Variants in TMEM135 observed in about 807,000 individuals in gnomAD.
The protein encoded by TMEM135 is transmembrane protein 135.
In TMEM135, 30 loss-of-function variants were observed where a neutral mutation model predicts 60.3. That is an observed-to-expected ratio of 0.50 (90% CI 0.37 to 0.68). The LOEUF is 0.68. Ranked by LOEUF, TMEM135 falls within the 30% of genes least tolerant of loss-of-function variation. TMEM135 has a pLI of 0.00. For synonymous variants in TMEM135, 190 were observed against 186.7 expected (o/e 1.02, Z -0.14); for missense variants, 468 against 548.8 (o/e 0.85, Z 1.47).
At position 87,319,357 on chromosome 11, in the gene TMEM135, T is replaced by G; in HGVS notation, c.1224T>G (p.Leu408=). 6.2e-7 allele frequency: 1 copy of G among 1,613,326 alleles called. No homozygotes were observed. Among genetic ancestry groups the G allele is most frequent in the Non-Finnish European group, 8.5e-7 (1 of 1,179,436 alleles). The part of the protein sequence containing the change: ...QTLRPSYWKF[L]LRLTKGKFAV... ...TGAGACCATCTTACTGGAAGTTCCT[T>G]TTAAGACTCACCAAGGGCAAGTAAG... Residue 408 remains leucine, a synonymous_variant, in exon 14 of 15, where the codon CTT becomes CTG. Transcript: ENST00000305494.
intron 7 of TMEM135, among the ~76,000 whole-genome samples, chr11:87,301,893 A>G (rs1942456204): frequency 6.6e-6 from 1 of 152,214 alleles, no homozygotes; most frequent in African/African-American, 2.4e-5. Flanking sequence ...TAATGAAATA[A>G]TATGAGGACT....
At chr11:87,295,186 A>G (rs899174766) in intron 6 of TMEM135, among the ~76,000 whole-genome samples, 2 of 152,164 alleles carry the variant, frequency 1.3e-5, no homozygotes, top group African/African-American at 4.8e-5. Context: ...TATAGTGAGC[A>G]CTCAATAAAT....
rs763212745 is a variant in TMEM135 at position 87,323,270 on chromosome 11, A to C, written c.*1937A>C. ...TTTTTAAATTTTATGTAAAATGTAA[A>C]ATGAAATAGCTATCATGAAGCAGAA... On this transcript the variant is annotated 3_prime_UTR_variant, in exon 15 of 15. Transcript: ENST00000305494. 1 of 453,742 alleles carries C rather than the reference A, an allele frequency of 2.2e-6. No individual in the cohort carries two copies. Among genetic ancestry groups the C allele is most frequent in the South Asian group, 1.6e-5 (1 of 64,332 alleles). The allele number at this position is 453,742 out of a possible 1,614,324, so 28.1% of individuals were successfully genotyped here. A position where few individuals can be genotyped will look rare whatever the true frequency, so the allele number is the denominator to read the frequency against.
At chr11:87,291,912 CG>C (rs1565159372) in intron 6 of TMEM135, among the ~76,000 whole-genome samples, 2 of 152,136 alleles carry the variant, frequency 1.3e-5, no homozygotes, top group African/African-American at 4.8e-5. Flanking sequence ...AAAGTTCTTA[CG>C]TTGCCTAAAG....
intron 4 of TMEM135, among the ~76,000 whole-genome samples, chr11:87,100,037 T>C (rs1020467686): frequency 1.3e-5 from 2 of 152,090 alleles, no homozygotes; most frequent in African/African-American, 4.8e-5. Context: ...TTGTTAGGGT[T>C]CCCAACGTAG....
At chr11:87,057,631 G>A (rs558271118) in intron 1 of TMEM135, among the ~76,000 whole-genome samples, 7 of 152,280 alleles carry the variant, frequency 4.6e-5, no homozygotes, top group Admixed American at 1.3e-4. Context: ...TTTAAAAACT[G>A]TAAGAAGATA....
chr11:87,328,369 T>C lies in TMEM135; in HGVS notation c.*7036T>C, dbSNP rs1462373718. 6.6e-6 allele frequency: 3 copies of C among 453,892 alleles called. No homozygotes were observed. Among genetic ancestry groups the C allele is most frequent in the Non-Finnish European group, 1.3e-5 (3 of 226,768 alleles). 28.1% of individuals were successfully genotyped at this position (453,892 alleles called of 1,614,324 possible). A position where few individuals can be genotyped will look rare whatever the true frequency, so the allele number is the denominator to read the frequency against. On this transcript the variant is annotated 3_prime_UTR_variant, in exon 15 of 15. Transcript: ENST00000305494. The stretch of plus-strand genomic sequence containing the variant: ...ATTAAGGAATGAATTTGCTTATTTT[T>C]ATTTCAGTAGCTTTTGGGGTACAAG...
intron 4 of TMEM135, among the ~76,000 whole-genome samples, chr11:87,137,428 A>C (rs1380803608): frequency 6.6e-6 from 1 of 152,182 alleles, no homozygotes; most frequent in Non-Finnish European, 1.5e-5. Context: ...ATACTCATCC[A>C]ACAATTATTT....
At chr11:87,158,685 C>T (rs1282022926) in intron 5 of TMEM135, among the ~76,000 whole-genome samples, 3 of 151,986 alleles carry the variant, frequency 2.0e-5, no homozygotes, top group South Asian at 2.1e-4. Flanking sequence ...AGGATGGTCT[C>T]GATCTCCTGA....
intron 3 of TMEM135, among the ~76,000 whole-genome samples, chr11:87,079,086 A>G (rs1407874047): frequency 6.6e-6 from 1 of 151,908 alleles, no homozygotes; most frequent in Non-Finnish European, 1.5e-5. Flanking sequence ...GCTCACTGCA[A>G]CCTCCACCTG....
intron 5 of TMEM135, among the ~76,000 whole-genome samples, chr11:87,231,480 A>C (rs539675541): frequency 3.3e-5 from 5 of 152,322 alleles, no homozygotes; most frequent in East Asian, 1.9e-4. Context: ...AATATCTTAA[A>C]AGCAAGTCTT....
At chr11:87,237,003 A>G (rs1263315595) in intron 6 of TMEM135, among the ~76,000 whole-genome samples, 1 of 151,958 alleles carries the variant, frequency 6.6e-6, no homozygotes, top group Non-Finnish European at 1.5e-5. Context: ...ATTGTATGTA[A>G]ATACCTAAGT....
intron 4 of TMEM135, among the ~76,000 whole-genome samples, chr11:87,124,978 C>T (rs1247076562): frequency 6.6e-6 from 1 of 152,172 alleles, no homozygotes; most frequent in Non-Finnish European, 1.5e-5. Context: ...ACTTCTCTTA[C>T]TTCACAAATA....
chr11:87,280,786 C>G (rs566881265), intron 6 of TMEM135, among the ~76,000 whole-genome samples: 150 of 152,308 alleles, frequency 9.8e-4, no homozygotes, highest in Non-Finnish European at 1.4e-3. Flanking sequence ...TTTATAAATA[C>G]TTATGAAATA....
intron 4 of TMEM135, among the ~76,000 whole-genome samples, chr11:87,129,755 G>A (rs1194974559): frequency 2.0e-5 from 3 of 151,946 alleles, no homozygotes; most frequent in African/African-American, 7.3e-5. Context: ...TAGCCATGCC[G>A]GTCTCAAACT....
chr11:87,111,650 C>CAAAAAAAA (rs746609752), intron 4 of TMEM135, among the ~76,000 whole-genome samples: 3 of 73,922 alleles, frequency 4.1e-5, no homozygotes, highest in Admixed American at 1.7e-4. Context: ...GACTCCGTCT[C>CAAAAAAAA]AAAAAAAAAA....
chr11:87,075,799 TTGG>T (rs1420642068), intron 3 of TMEM135, among the ~76,000 whole-genome samples: 1 of 152,220 alleles, frequency 6.6e-6, no homozygotes, highest in East Asian at 1.9e-4. Context: ...ACGTACTGCC[TTGG>T]TGGTCTTGTA....
chr11:87,059,834 G>C (rs976015781), intron 1 of TMEM135, among the ~76,000 whole-genome samples: 47 of 152,276 alleles, frequency 3.1e-4, no homozygotes, highest in African/African-American at 1.1e-3. Flanking sequence ...CAGATCTTGG[G>C]GCCGGGCGTG....
At chr11:87,160,907 A>G (rs536882211) in intron 5 of TMEM135, among the ~76,000 whole-genome samples, 21 of 152,056 alleles carry the variant, frequency 1.4e-4, no homozygotes, top group Non-Finnish European at 2.4e-4. Context: ...TCTGTGTTGA[A>G]TTTTGTTTTT....
Sources: allele counts gnomAD v4.1 joint callset (sites outside exome capture counted in the v4.1 genomes callset), GRCh38; gene constraint gnomAD v4.1.1; transcripts MANE v1.5; gene names NCBI Gene and HGNC (gene_info 2026-07-23, HGNC 2026-07-21).